WDFY3: variants seen among roughly 807,000 people sequenced by gnomAD.
The protein encoded by WDFY3 is WD repeat and FYVE domain-containing protein 3.
Under a neutral mutation model 409.6 loss-of-function variants are expected in WDFY3, and 66 were observed. The observed-to-expected ratio is 0.16, with a 90% CI of 0.13 to 0.20. The LOEUF is 0.20. Ranked by LOEUF, WDFY3 falls within the 10% of genes least tolerant of loss-of-function variation. The pLI, the probability that WDFY3 is intolerant of heterozygous loss-of-function variation, is 1.00. For synonymous variants in WDFY3, 1,521 were observed against 1,537.1 expected (o/e 0.99, Z 0.25); for missense variants, 3,031 against 4,298.1 (o/e 0.71, Z 8.24).
intron 53 of WDFY3, among the ~76,000 whole-genome samples, chr4:84,708,354 A>G (rs1212487460): frequency 6.6e-6 from 1 of 152,212 alleles, no homozygotes; most frequent in Non-Finnish European, 1.5e-5. Flanking sequence ...ATGCAAATTA[A>G]TCCGCACTTA....
At chr4:84,766,955 AC>A (rs1190817103) in intron 30 of WDFY3, among the ~76,000 whole-genome samples, 4 of 152,180 alleles carry the variant, frequency 2.6e-5, no homozygotes, top group Non-Finnish European at 4.4e-5. Flanking sequence ...GGCATCAACA[AC>A]CCAGAGTTCT....
At chr4:84,897,795 G>A (rs1485579148) in intron 2 of WDFY3, among the ~76,000 whole-genome samples, 1 of 152,070 alleles carries the variant, frequency 6.6e-6, no homozygotes, top group Non-Finnish European at 1.5e-5. Context: ...TAAAATCCCA[G>A]GACAAACCTA....
rs1349286457 is a variant in WDFY3 at position 84,772,839 on chromosome 4, G to A, written c.4845C>T (p.Asp1615=). The change falls in exon 30 of 68, where the codon GAC becomes GAT. Residue 1615 remains aspartate (D), a synonymous_variant. Transcript: ENST00000295888. ...VMEINNEEKL[D]TGTEEEFGGL... ...CAAGCTCCAGAATCAACTTACCAGT[G>A]TCAAGCTTCTCTTCATTATTTATTT... is the stretch of plus-strand genomic sequence containing the variant. 6.2e-7 allele frequency: 1 copy of A among 1,609,450 alleles called. No homozygotes were observed. The highest frequency in any genetic ancestry group is 8.5e-7 in the Non-Finnish European group (1 of 1,178,104).
chr4:84,701,981 A>G (rs899649401), intron 56 of WDFY3, among the ~76,000 whole-genome samples: 2 of 152,190 alleles, frequency 1.3e-5, no homozygotes, highest in Non-Finnish European at 2.9e-5. Flanking sequence ...CAAAACAACG[A>G]AATTCTAAAT....
intron 2 of WDFY3, among the ~76,000 whole-genome samples, 174 bp from the exon 3 acceptor site, chr4:84,897,184 C>T (rs917714087): frequency 1.1e-4 from 17 of 152,140 alleles, no homozygotes; most frequent in Non-Finnish European, 2.2e-4. Flanking sequence ...GGAAGCCACA[C>T]TCTGTTCAAA....
intron 3 of WDFY3, among the ~76,000 whole-genome samples, chr4:84,867,466 G>A (rs1291483352): frequency 6.6e-6 from 1 of 152,158 alleles, no homozygotes; most frequent in Non-Finnish European, 1.5e-5. Flanking sequence ...ATAAGAACTG[G>A]CTTTCTAATA....
At position 84,774,862 on chromosome 4, in the gene WDFY3, C is replaced by T. The variant is rs1745278989; in HGVS notation, c.4712G>A (p.Ser1571Asn). 1 of 1,613,786 alleles carries T rather than the reference C, an allele frequency of 6.2e-7. No homozygotes were observed. Among genetic ancestry groups the T allele is most frequent in the Non-Finnish European group, 8.5e-7 (1 of 1,179,908 alleles). The change falls in exon 29 of 68, where the codon AGC becomes AAC. Residue 1571 changes from serine to asparagine, a missense_variant. Physicochemically the swap from Ser to Asn is conservative, Grantham distance 46. Transcript: ENST00000295888. Reference sequence around the variant, plus strand: ...GCTAGGAAAACCTTGCAGTAAGAAGCTCAGGACATTACTAATAGCAGCAAT... The same window carrying T: ...GCTAGGAAAACCTTGCAGTAAGAAGTTCAGGACATTACTAATAGCAGCAAT... ...PTIAAISNVL[S>N]FLLQGFPSSN...
intron 62 of WDFY3, among the ~76,000 whole-genome samples, chr4:84,685,825 G>A (rs1013833800): frequency 2.6e-5 from 4 of 152,166 alleles, no homozygotes. Flanking sequence ...ATCCACTAGT[G>A]TACACTGGCT....
At chr4:84,764,948 AC>A (rs1424670975) in intron 32 of WDFY3, among the ~76,000 whole-genome samples, 1 of 152,146 alleles carries the variant, frequency 6.6e-6, no homozygotes, top group East Asian at 1.9e-4. Context: ...AGACACTGAT[AC>A]TTAAACTTTT....
chr4:84,959,943 C>T (rs990955442), intron 1 of WDFY3, among the ~76,000 whole-genome samples: 7 of 152,168 alleles, frequency 4.6e-5, no homozygotes, highest in African/African-American at 1.4e-4. Flanking sequence ...TATATTAACG[C>T]TTCTTACAAG....
intron 4 of WDFY3, among the ~76,000 whole-genome samples, chr4:84,850,926 CTGTTTTTTTTTTTTTTTTTTT>C (rs1418901896): frequency 0.021 from 680 of 32,142 alleles, 21 homozygotes; most frequent in African/African-American, 0.076. Context: ...TTTTATTTAT[CTGTTTTTTTTTTTTTTTTTTT>C]TTTTTTTTTT....
At chr4:84,787,350 C>T in intron 23 of WDFY3, 132 bp downstream of exon 23, 1 of 798,858 alleles carries the variant, frequency 1.3e-6, no homozygotes, top group African/African-American at 1.7e-5. Context: ...AGTGAGTATC[C>T]TGCTGAAGAA....
intron 6 of WDFY3, among the ~76,000 whole-genome samples, chr4:84,837,501 T>A (rs187025276): frequency 6.6e-6 from 1 of 152,168 alleles, no homozygotes. Context: ...TTATGTAAGA[T>A]AATACATACA....
At position 84,837,080 on chromosome 4, in the gene WDFY3, T is replaced by C; in HGVS notation, c.425A>G (p.Asp142Gly). 1 of 1,517,538 alleles carries C rather than the reference T, an allele frequency of 6.6e-7. No homozygotes were observed. Among genetic ancestry groups the C allele is most frequent in the South Asian group, 1.4e-5 (1 of 72,362 alleles). 94.0% of individuals were successfully genotyped at this position (1,517,538 alleles called of 1,614,324 possible). A position where few individuals can be genotyped will look rare whatever the true frequency, so the allele number is the denominator to read the frequency against. ...AGGCACTGACATTGTTGTCATGCAG[T>C]CCACGGTTTTCTGGAAAACAAGCCA... ...LLASSGQKTV[D>G]CMTTMSVPST... Residue 142 changes from aspartate (D) to glycine (G), a missense_variant, in exon 7 of 68, where the codon GAC becomes GGC. By Grantham distance (94) the Asp-to-Gly change is moderately conservative (BLOSUM62 -1). Around this residue, in one of 16 missense-constraint regions of WDFY3, gnomAD observed 1,322 missense variants for 1,697.9 expected, o/e 0.78. Coordinates refer to ENST00000295888, the MANE Select transcript of WDFY3 (RefSeq NM_014991.6).
intron 1 of WDFY3, among the ~76,000 whole-genome samples, chr4:84,962,632 C>T (rs942154637): frequency 1.3e-5 from 2 of 151,232 alleles, no homozygotes; most frequent in African/African-American, 4.9e-5. Flanking sequence ...GTAAATTATG[C>T]TTCAATAAAC....
chr4:84,687,156 T>G (rs907653232), intron 62 of WDFY3, among the ~76,000 whole-genome samples: 3 of 152,204 alleles, frequency 2.0e-5, no homozygotes, highest in Non-Finnish European at 4.4e-5. Flanking sequence ...TCTTCTTCTT[T>G]TTTTTGAGAC....
chr4:84,749,482 T>C (rs2149282930), intron 36 of WDFY3, among the ~76,000 whole-genome samples: 1 of 152,338 alleles, frequency 6.6e-6, no homozygotes, highest in Middle Eastern at 3.4e-3. Context: ...TTACTTAATG[T>C]CATTGACAGG....
Position 84,724,550 on chromosome 4 carries a change from C to T in WDFY3, c.7317G>A (p.Glu2439=). ...TGCCAGAGGCCAGTCGCATGTAGTA[C>T]TCTTTACTGTCATAACTTACGGCTC... ...YRRAVSYDSK[E]YYMRLASGNP... The change falls in exon 46 of 68, where the codon GAG becomes GAA. Residue 2439 remains glutamate, a synonymous_variant. Transcript: ENST00000295888. 2 of 1,614,058 alleles carry T rather than the reference C, an allele frequency of 1.2e-6. No homozygotes were observed. The highest frequency in any genetic ancestry group is 1.7e-6 in the Non-Finnish European group (2 of 1,179,974).
chr4:84,679,378 A>G, intron 64 of WDFY3, 136 bp from the exon 65 acceptor site: 2 of 902,310 alleles, frequency 2.2e-6, no homozygotes, highest in Non-Finnish European at 1.5e-6. Flanking sequence ...AACAAAAAAG[A>G]AAGTAAGTGC....
Sources: allele counts gnomAD v4.1 joint callset (sites outside exome capture counted in the v4.1 genomes callset), GRCh38; gene constraint gnomAD v4.1.1; regional missense constraint gnomAD v4.1.1; transcripts MANE v1.5; gene names NCBI Gene and HGNC (gene_info 2026-07-23, HGNC 2026-07-21).